The following CLIC5 variants were observed in gnomAD, a reference collection of about 807,000 sequenced individuals.
The protein encoded by CLIC5 is CLIC family member 5, also known as chloride intracellular channel protein 5.
A neutral mutation model predicts 24.7 loss-of-function variants in CLIC5; 20 were observed. The ratio of observed to expected loss-of-function variants is 0.81; its 90% confidence interval spans 0.57 to 1.18. CLIC5 has a LOEUF of 1.18. Among genes scored for constraint, CLIC5 ranks in the 50% most tolerant of loss-of-function variants. CLIC5 has a pLI of 0.00. For missense variants in CLIC5, 341 were observed against 326.1 expected, an observed-to-expected ratio of 1.05 and a Z score of -0.35; for synonymous variants, 159 against 135.6, an observed-to-expected ratio of 1.17 and a Z score of -1.20.
intron 5 of CLIC5, among the ~76,000 whole-genome samples, chr6:45,905,215 AAC>A (rs1338861810): frequency 1.3e-5 from 2 of 152,198 alleles, no homozygotes; most frequent in African/African-American, 4.8e-5. Context: ...TTTTTGGTAA[AAC>A]AGTTTATTTT....
At chr6:45,989,723 A>T (rs1323582811) in intron 1 of CLIC5, among the ~76,000 whole-genome samples, 1 of 152,208 alleles carries the variant, frequency 6.6e-6, no homozygotes, top group Admixed American at 6.5e-5. Flanking sequence ...CCCATTAAAG[A>T]TACCAAAATT....
At chr6:45,892,363 A>T (rs1343783823) in intron 6 of CLIC5, 1 of 152,250 alleles carries the variant, frequency 6.6e-6, no homozygotes, top group Non-Finnish European at 1.5e-5. Context: ...TGCAGAAAGG[A>T]GTGACCACAC....
intron 1 of CLIC5, among the ~76,000 whole-genome samples, chr6:45,987,269 C>A: frequency 6.6e-6 from 1 of 152,204 alleles, no homozygotes; most frequent in Admixed American, 6.5e-5. Flanking sequence ...CCTCTGAACT[C>A]AACATTCAGC....
intron 1 of CLIC5, among the ~76,000 whole-genome samples, chr6:46,055,848 G>C (rs913929741): frequency 3.9e-5 from 6 of 152,210 alleles, no homozygotes; most frequent in Non-Finnish European, 8.8e-5. Context: ...GAAACTTACT[G>C]TATGATGCCC....
intron 1 of CLIC5, among the ~76,000 whole-genome samples, chr6:45,959,848 A>G (rs1209624962): frequency 6.6e-6 from 1 of 152,220 alleles, no homozygotes; most frequent in East Asian, 1.9e-4. Flanking sequence ...TTTAGAAGAC[A>G]TGTATGCAAA....
rs374101441 is a variant in CLIC5, at chr6:46,028,356, C to T, written c.540+51347G>A. Among the ~76,000 whole-genome samples, 7 of 152,328 alleles carry T rather than the reference C, an allele frequency of 4.6e-5. No individual in the cohort carries two copies. The East Asian group carries it at 9.6e-4, about 21-fold the overall frequency. ...TCACTCATCCCTTCTCGGGAAGTCC[C>T]AGGTGGTTGGAGTCATTCACCACTG... On this transcript the variant is annotated intron_variant, in intron 1 of 5. Coordinates refer to the CLIC5 transcript ENST00000185206.
chr6:46,095,816 C>A, the CLIC5 span, among the ~76,000 whole-genome samples: 1 of 152,182 alleles, frequency 6.6e-6, no homozygotes, highest in Admixed American at 6.6e-5. Flanking sequence ...TCCATATTTT[C>A]AGATATCTTT....
chr6:45,995,714 T>C (rs1766109547), intron 1 of CLIC5, among the ~76,000 whole-genome samples: 1 of 152,198 alleles, frequency 6.6e-6, no homozygotes, highest in Non-Finnish European at 1.5e-5. Flanking sequence ...TTATTTTTTT[T>C]CTAAAGAGAT....
chr6:45,996,560 C>A (rs986897616), intron 1 of CLIC5, among the ~76,000 whole-genome samples: 1 of 152,070 alleles, frequency 6.6e-6, no homozygotes, highest in Admixed American at 6.5e-5. Context: ...CAGCTTTCTA[C>A]ATATGGCTAG....
intron 1 of CLIC5, among the ~76,000 whole-genome samples, chr6:45,959,111 G>A (rs1238176347): frequency 1.3e-5 from 2 of 152,066 alleles, no homozygotes; most frequent in Non-Finnish European, 2.9e-5. Flanking sequence ...CCTCCTCTTG[G>A]CCTCAACCAC....
intron 6 of CLIC5, among the ~76,000 whole-genome samples, chr6:45,881,762 G>A (rs1762264631): frequency 6.6e-6 from 1 of 152,058 alleles, no homozygotes; most frequent in African/African-American, 2.4e-5. Context: ...AGACTTTGGT[G>A]CCCTTTTAAA....
exon 1 of CLIC5, chr6:46,079,787 G>A: frequency 1.9e-6 from 3 of 1,552,082 alleles, no homozygotes; most frequent in Non-Finnish European, 2.6e-6. Flanking sequence ...AGGAATACTT[G>A]GTGGTAGAGA....
At position 45,978,579 on chromosome 6, in the gene CLIC5, T is replaced by C. The variant is rs188029773; in HGVS notation, c.64-23335A>G. On this transcript the variant is annotated intron_variant, in intron 1 of 5. Coordinates refer to ENST00000339561, the MANE Select transcript of CLIC5 (RefSeq NM_016929.5). ...CCAGGGTGGGGCCCAAGAATTTGCA[T>C]GTCTAACACTTTTACAAGTGATGCT... Among the ~76,000 whole-genome samples, 385 of 152,310 alleles carry C rather than the reference T, an allele frequency of 2.5e-3. 2 individuals are homozygous for C. The highest frequency in any genetic ancestry group is 8.9e-3 in the African/African-American group (371 of 41,566).
chr6:45,941,157 A>G (rs1344390322), intron 4 of CLIC5, among the ~76,000 whole-genome samples: 1 of 152,104 alleles, frequency 6.6e-6, no homozygotes, highest in African/African-American at 2.4e-5. Flanking sequence ...CCTTGTAGGG[A>G]CCAGAAGGAA....
At chr6:46,110,053 T>G in the CLIC5 span, among the ~76,000 whole-genome samples, 1 of 152,244 alleles carries the variant, frequency 6.6e-6, no homozygotes, top group African/African-American at 2.4e-5. Context: ...GGGTCTAGAC[T>G]TGCTGGCTCC....
At chr6:46,065,063 T>TAA (rs1450155474) in intron 1 of CLIC5, among the ~76,000 whole-genome samples, 1 of 152,174 alleles carries the variant, frequency 6.6e-6, no homozygotes, top group East Asian at 1.9e-4. Context: ...AAAGAGGTTT[T>TAA]AAAATTTAAT....
intron 1 of CLIC5, among the ~76,000 whole-genome samples, chr6:46,024,839 G>C (rs977946126): frequency 6.6e-6 from 1 of 152,118 alleles, no homozygotes; most frequent in Non-Finnish European, 1.5e-5. Flanking sequence ...TAAGAGTGAC[G>C]CCAATCTTGA....
chr6:45,930,139 C>A (rs374159208), intron 4 of CLIC5, among the ~76,000 whole-genome samples: 1 of 152,170 alleles, frequency 6.6e-6, no homozygotes, highest in Non-Finnish European at 1.5e-5. Context: ...GTCCCTCACC[C>A]TCCTCCCCAC....
intron 1 of CLIC5, among the ~76,000 whole-genome samples, chr6:45,967,465 A>G (rs888351804): frequency 5.9e-5 from 9 of 152,204 alleles, no homozygotes; most frequent in African/African-American, 2.2e-4. Context: ...GGCAGCAACA[A>G]TGCCTAATGT....
Sources: gnomAD v4.1 joint callset for allele counts (sites outside exome capture counted in the v4.1 genomes callset) on GRCh38, gnomAD v4.1.1 for gene constraint, MANE v1.5 for transcripts, NCBI Gene and HGNC (gene_info 2026-07-23, HGNC 2026-07-21) for gene names.